Variants in ZBBX observed in about 807,000 individuals in gnomAD.
ZBBX encodes the protein zinc finger B-box domain containing, also known as zinc finger B-box domain-containing protein 1.
Under a neutral mutation model 108.5 loss-of-function variants are expected in ZBBX, and 101 were observed. The observed-to-expected ratio is 0.93, with a 90% CI of 0.79 to 1.10. The LOEUF (loss-of-function observed/expected upper bound fraction) is 1.10, where lower values mean the gene tolerates loss of function less well. Ranked by LOEUF, ZBBX falls within the 50% of genes least tolerant of loss-of-function variation. ZBBX has a pLI of 0.00. For synonymous variants in ZBBX, 356 were observed against 323.4 expected (o/e 1.10, Z -1.08); for missense variants, 1,009 against 941.4 (o/e 1.07, Z -0.94).
chr3:167,369,434 G>A (rs752492683), intron 4 of ZBBX, among the ~76,000 whole-genome samples: 66 of 152,132 alleles, frequency 4.3e-4, no homozygotes, highest in Non-Finnish European at 4.6e-4. Flanking sequence ...AAAAGCAAGC[G>A]GGCCAAGGAT....
At chr3:167,325,516 C>T (rs1290588111) in intron 11 of ZBBX, among the ~76,000 whole-genome samples, 2 of 152,156 alleles carry the variant, frequency 1.3e-5, no homozygotes, top group African/African-American at 4.8e-5. Context: ...ATGGGAGCTA[C>T]AATTCAAGAT....
rs117250747 is a variant in ZBBX, at chr3:167,385,438, A to G, written c.-445-5033T>C. On this transcript the variant is annotated intron_variant, in intron 1 of 21. Coordinates refer to the ZBBX transcript ENST00000455345. ...AGTTGCTTTGGATGAGTGAGTAGGT[A>G]CTATAGACTTTATAAACACTATAAA... Among the ~76,000 whole-genome samples, 6 of 152,196 alleles carry G rather than the reference A, an allele frequency of 3.9e-5. No homozygotes were observed. In the East Asian group the frequency reaches 1.2e-3, roughly 29 times the overall value.
the ZBBX span, among the ~76,000 whole-genome samples, chr3:167,178,440 C>T: frequency 4.6e-5 from 7 of 152,296 alleles, no homozygotes; most frequent in African/African-American, 7.2e-5. Context: ...GGTTTTCTTC[C>T]GCCATCTGTG....
At chr3:167,221,560 A>C in the ZBBX span, among the ~76,000 whole-genome samples, 1 of 151,998 alleles carries the variant, frequency 6.6e-6, no homozygotes, top group East Asian at 1.9e-4. Context: ...CAAAACATGA[A>C]ACTACTACAA....
At chr3:167,297,341 G>A (rs565969998) in intron 18 of ZBBX, among the ~76,000 whole-genome samples, 17 of 151,942 alleles carry the variant, frequency 1.1e-4, no homozygotes, top group African/African-American at 3.1e-4. Context: ...ATATCCATAC[G>A]CAAAATAATG....
At chr3:167,342,818 G>C (rs1157648053) in intron 9 of ZBBX, among the ~76,000 whole-genome samples, 3 of 150,374 alleles carry the variant, frequency 2.0e-5, no homozygotes, top group Admixed American at 6.7e-5. Flanking sequence ...AAAACAACAA[G>C]GGACACAGGA....
chr3:167,262,434 A>C (rs528014333), intron 20 of ZBBX, among the ~76,000 whole-genome samples: 1 of 152,290 alleles, frequency 6.6e-6, no homozygotes, highest in South Asian at 2.1e-4. Flanking sequence ...TTTCAATAGG[A>C]TTGGTATAAG....
intron 20 of ZBBX, among the ~76,000 whole-genome samples, chr3:167,273,661 C>T (rs1474594722): frequency 6.6e-6 from 1 of 152,196 alleles, no homozygotes; most frequent in East Asian, 2.0e-4. Flanking sequence ...ATGGTGGACC[C>T]TTACTGGACA....
chr3:167,380,866 GCA>G (rs59349359), upstream of ZBBX, among the ~76,000 whole-genome samples: 4,894 of 141,328 alleles, frequency 0.035, 191 homozygotes, highest in African/African-American at 0.09. Context: ...GCAAATATAT[GCA>G]CACACACACA....
At chr3:167,300,985 T>G (rs958099866) in intron 17 of ZBBX, among the ~76,000 whole-genome samples, 1 of 151,330 alleles carries the variant, frequency 6.6e-6, no homozygotes, top group Non-Finnish European at 1.5e-5. Flanking sequence ...GGTAAATTTG[T>G]GTCATGGAGA....
chr3:167,404,268 T>C (rs1748514185), intron 1 of ZBBX, among the ~76,000 whole-genome samples: 1 of 152,064 alleles, frequency 6.6e-6, no homozygotes, highest in Admixed American at 6.6e-5. Context: ...TAATAGAGCT[T>C]AAAAGTAAGC....
chr3:167,347,400 G>T (rs966191276), intron 9 of ZBBX, among the ~76,000 whole-genome samples: 13 of 151,798 alleles, frequency 8.6e-5, no homozygotes, highest in African/African-American at 3.1e-4. Flanking sequence ...ATATTATTCA[G>T]CCTTTAAAAA....
At chr3:167,230,983 T>C in the ZBBX span, among the ~76,000 whole-genome samples, 1 of 151,770 alleles carries the variant, frequency 6.6e-6, no homozygotes, top group Non-Finnish European at 1.5e-5. Context: ...CGAGACTCAC[T>C]GCAAAATGTA....
chr3:167,281,214 G>C (rs952781255), intron 20 of ZBBX, among the ~76,000 whole-genome samples: 1 of 152,000 alleles, frequency 6.6e-6, no homozygotes, highest in Admixed American at 6.6e-5. Flanking sequence ...GTACCAGCAT[G>C]GCACATTGTG....
At chr3:167,202,051 T>C in the ZBBX span, among the ~76,000 whole-genome samples, 1 of 152,222 alleles carries the variant, frequency 6.6e-6, no homozygotes, top group South Asian at 2.1e-4. Context: ...TTGGTCCCTA[T>C]GAGTTGTGGA....
chr3:167,300,640 C>T (rs1732492984), intron 17 of ZBBX, among the ~76,000 whole-genome samples: 1 of 149,788 alleles, frequency 6.7e-6, no homozygotes, highest in Non-Finnish European at 1.5e-5. Context: ...ATAAGAGTCT[C>T]ACCCTGTCAC....
chr3:167,273,980 A>G lies in ZBBX; in HGVS notation c.2254+8258T>C, dbSNP rs114104058. Among the ~76,000 whole-genome samples the G allele has an allele frequency of 4.0e-3, 617 of 152,360 alleles. 4 individuals carry two copies. The highest frequency in any genetic ancestry group is 0.014 in the Middle Eastern group (4 of 294). On this transcript the variant is annotated intron_variant, in intron 20 of 21. Coordinates refer to ENST00000675490, the MANE Select transcript of ZBBX (RefSeq NM_001199201.2). ...TCAGCAATGATTTATTAATTACACT[A>G]GAAATGCTGTCAAAGGAATAGTTGA...
intron 4 of ZBBX, among the ~76,000 whole-genome samples, chr3:167,370,687 G>T (rs2900891): frequency 0.36 from 54,272 of 151,798 alleles, 10,273 homozygotes; most frequent in African/African-American, 0.49. Context: ...TCCCCCTGGA[G>T]ACAATGTTAT....
At chr3:167,244,304 A>T (rs545861768) in intron 20 of ZBBX, among the ~76,000 whole-genome samples, 35 of 152,320 alleles carry the variant, frequency 2.3e-4, no homozygotes, top group Non-Finnish European at 4.0e-4. Context: ...AGGCACCTTT[A>T]CATGTCCTAA....
Sources: allele counts gnomAD v4.1 joint callset (sites outside exome capture counted in the v4.1 genomes callset), GRCh38; gene constraint gnomAD v4.1.1; transcripts MANE v1.5; gene names NCBI Gene and HGNC (gene_info 2026-07-23, HGNC 2026-07-21).